The following DPYD variants were observed in gnomAD, a reference collection of about 807,000 sequenced individuals.
DPYD encodes dihydropyrimidine dehydrogenase [NADP(+)].
DPYD carries 109 observed loss-of-function variants against 116.2 expected under a neutral mutation model. That is an observed-to-expected ratio of 0.94 (90% confidence interval 0.80 to 1.10). The LOEUF is 1.10. Ranked by LOEUF, DPYD falls within the 50% of genes least tolerant of loss-of-function variation. The pLI, the probability that DPYD is intolerant of heterozygous loss-of-function variation, is 0.00. For missense variants in DPYD, 1,302 were observed against 1,254.5 expected (o/e 1.04, Z -0.57); for synonymous variants, 440 against 432.0 (o/e 1.02, Z -0.23).
intron 3 of DPYD, among the ~76,000 whole-genome samples, chr1:97,811,805 TATAA>T (rs1259642337): frequency 1.3e-5 from 2 of 152,138 alleles, no homozygotes; most frequent in Non-Finnish European, 2.9e-5. Context: ...AACTCTTAGC[TATAA>T]ATAGTTCTTA....
intron 18 of DPYD, among the ~76,000 whole-genome samples, chr1:97,300,813 T>A (rs542004191): frequency 6.6e-6 from 1 of 152,166 alleles, no homozygotes; most frequent in East Asian, 1.9e-4. Flanking sequence ...TAAAAACACA[T>A]AAACTATGCG....
intron 3 of DPYD, among the ~76,000 whole-genome samples, chr1:97,810,173 G>C (rs12760243): frequency 2.0e-5 from 3 of 150,898 alleles, no homozygotes; most frequent in Non-Finnish European, 4.4e-5. Flanking sequence ...TGTAGTCCCA[G>C]CTACTTGGGA....
chr1:97,765,504 T>C (rs1665799188), intron 3 of DPYD, among the ~76,000 whole-genome samples: 1 of 152,096 alleles, frequency 6.6e-6, no homozygotes, highest in Admixed American at 6.6e-5. Flanking sequence ...AGGAATTCCA[T>C]ATTCCATTTT....
chr1:97,743,424 A>G (rs1239000497), intron 3 of DPYD, among the ~76,000 whole-genome samples: 1 of 152,144 alleles, frequency 6.6e-6, no homozygotes, highest in Non-Finnish European at 1.5e-5. Context: ...GTCCTAATAA[A>G]ATATCAACCA....
At chr1:97,920,402 C>T (rs937924068) in intron 1 of DPYD, among the ~76,000 whole-genome samples, 3 of 152,148 alleles carry the variant, frequency 2.0e-5, no homozygotes, top group Non-Finnish European at 4.4e-5. Flanking sequence ...GCGACTGCTA[C>T]AGCTGACACA....
At chr1:97,592,462 G>A (rs1303324779) in intron 10 of DPYD, among the ~76,000 whole-genome samples, 1 of 152,170 alleles carries the variant, frequency 6.6e-6, no homozygotes, top group East Asian at 1.9e-4. Flanking sequence ...CGCCTCCCGG[G>A]TTCACGCCAT....
intron 15 of DPYD, among the ~76,000 whole-genome samples, chr1:97,380,250 T>C (rs1460575107): frequency 6.6e-6 from 1 of 152,210 alleles, no homozygotes; most frequent in East Asian, 1.9e-4. Flanking sequence ...AGGGACTTTA[T>C]ACATAGTAGG....
At chr1:97,269,511 A>C (rs1353159501) in intron 18 of DPYD, among the ~76,000 whole-genome samples, 2 of 152,096 alleles carry the variant, frequency 1.3e-5, no homozygotes, top group African/African-American at 4.8e-5. Context: ...GTCTTAGTCC[A>C]TTTTATAGTG....
intron 13 of DPYD, among the ~76,000 whole-genome samples, chr1:97,503,099 C>T (rs948950842): frequency 6.6e-6 from 1 of 151,996 alleles, no homozygotes; most frequent in Non-Finnish European, 1.5e-5. Flanking sequence ...TATTGTGCCT[C>T]TCTAGCCTTC....
intron 2 of DPYD, among the ~76,000 whole-genome samples, chr1:97,832,046 TG>T (rs1201985915): frequency 7.4e-4 from 4 of 5,434 alleles, no homozygotes; most frequent in Non-Finnish European, 1.1e-3. Flanking sequence ...TATAATGTAT[TG>T]TGTGTGTGTG....
intron 10 of DPYD, 110 bp downstream of exon 10, chr1:97,593,101 GAAATTTT>G (rs1654634906): frequency 7.7e-7 from 1 of 1,296,370 alleles, no homozygotes; most frequent in Non-Finnish European, 1.1e-6. Context: ...GTGTAGCCCT[GAAATTTT>G]TAAACTTGAA....
At chr1:97,482,869 A>G (rs1004206650) in intron 13 of DPYD, among the ~76,000 whole-genome samples, 1 of 152,102 alleles carries the variant, frequency 6.6e-6, no homozygotes, top group Non-Finnish European at 1.5e-5. Flanking sequence ...AACTTCCTAA[A>G]ATATTTAACA....
At chr1:97,728,316 C>T (rs1293003130) in intron 4 of DPYD, among the ~76,000 whole-genome samples, 2 of 152,034 alleles carry the variant, frequency 1.3e-5, no homozygotes, top group African/African-American at 4.8e-5. Flanking sequence ...TGTCTATAGG[C>T]ACGACATGTG....
At chr1:97,816,067 T>G (rs1668589814) in intron 3 of DPYD, among the ~76,000 whole-genome samples, 1 of 152,088 alleles carries the variant, frequency 6.6e-6, no homozygotes, top group Non-Finnish European at 1.5e-5. Context: ...TTTTTAATTT[T>G]TTTTTTTTTA....
intron 14 of DPYD, among the ~76,000 whole-genome samples, chr1:97,438,573 C>A (rs1675592243): frequency 6.6e-6 from 1 of 151,962 alleles, no homozygotes; most frequent in Non-Finnish European, 1.5e-5. Context: ...TCAACCTTGT[C>A]AAACTCACTG....
intron 3 of DPYD, among the ~76,000 whole-genome samples, chr1:97,784,274 A>T (rs866107870): frequency 0.036 from 3,739 of 104,912 alleles, 167 homozygotes; most frequent in African/African-American, 0.11. Context: ...CCTTTTTTTA[A>T]AAAAAAAAAT....
intron 16 of DPYD, among the ~76,000 whole-genome samples, chr1:97,351,631 C>A (rs939829286): frequency 3.3e-5 from 5 of 151,980 alleles, no homozygotes; most frequent in Middle Eastern, 3.4e-3. Flanking sequence ...GCTACTATCC[C>A]CAATCTTATT....
intron 12 of DPYD, among the ~76,000 whole-genome samples, chr1:97,539,966 C>T (rs147496251): frequency 6.6e-6 from 1 of 151,988 alleles, no homozygotes; most frequent in African/African-American, 2.4e-5. Flanking sequence ...CTTCTGAATG[C>T]TGTGTGAGTG....
intron 18 of DPYD, among the ~76,000 whole-genome samples, chr1:97,235,585 T>C (rs1244890406): frequency 1.3e-5 from 2 of 151,934 alleles, no homozygotes; most frequent in Admixed American, 6.6e-5. Context: ...GATCACACCA[T>C]TGCACTCCAG....
Sources: allele counts gnomAD v4.1 joint callset (sites outside exome capture counted in the v4.1 genomes callset), GRCh38; gene constraint gnomAD v4.1.1; transcripts MANE v1.5; gene names NCBI Gene and HGNC (gene_info 2026-07-23, HGNC 2026-07-21).